Variants in SAMD4B observed in about 807,000 individuals in gnomAD.
SAMD4B encodes sterile alpha motif domain containing 4B, also known as protein Smaug homolog 2.
A neutral mutation model predicts 74.5 loss-of-function variants in SAMD4B; 5 were observed. The observed-to-expected ratio is 0.07, with a 90% CI of 0.04 to 0.14. The LOEUF (loss-of-function observed/expected upper bound fraction) is 0.14. Ranked by LOEUF, SAMD4B falls within the 10% of genes least tolerant of loss-of-function variation. SAMD4B has a pLI of 1.00. For synonymous variants in SAMD4B, 373 were observed against 374.9 expected, an observed-to-expected ratio of 1.00 and a Z score of 0.06; for missense variants, 608 against 921.8, an observed-to-expected ratio of 0.66 and a Z score of 4.41.
intron 9 of SAMD4B, among the ~76,000 whole-genome samples, chr19:39,379,200 G>A (rs1336166398): frequency 6.6e-6 from 1 of 151,936 alleles, no homozygotes; most frequent in Non-Finnish European, 1.5e-5. Flanking sequence ...ATGGAGTATT[G>A]CTTTATTGCC....
At chr19:39,372,401 CTT>C (rs2077361177) in intron 4 of SAMD4B, among the ~76,000 whole-genome samples, 1 of 152,172 alleles carries the variant, frequency 6.6e-6, no homozygotes, top group Admixed American at 6.5e-5. Context: ...TCAGGCCTGT[CTT>C]TACCCTCAGA....
chr19:39,370,912 C>T (rs1009726463), intron 4 of SAMD4B, among the ~76,000 whole-genome samples: 8 of 152,326 alleles, frequency 5.3e-5, no homozygotes, highest in South Asian at 4.1e-4. Context: ...CAAAGTCACA[C>T]GTAGAACAAG....
intron 7 of SAMD4B, 42 bp from the exon 8 acceptor site, chr19:39,377,443 G>A (rs1160476604): frequency 3.5e-6 from 5 of 1,448,556 alleles, no homozygotes; most frequent in Non-Finnish European, 4.7e-6. Flanking sequence ...GTCCCTCATT[G>A]TAGGGTCTGC....
intron 4 of SAMD4B, among the ~76,000 whole-genome samples, chr19:39,372,529 G>A (rs577255872): frequency 6.6e-6 from 1 of 152,268 alleles, no homozygotes; most frequent in South Asian, 2.1e-4. Context: ...GGGGAGCAAG[G>A]ATTGGCCTTT....
intron 12 of SAMD4B, among the ~76,000 whole-genome samples, chr19:39,382,622 G>A (rs1046286307): frequency 2.0e-5 from 3 of 152,072 alleles, no homozygotes; most frequent in African/African-American, 7.2e-5. Context: ...GTGTAGTGAG[G>A]GAGGTCAGGT....
At chr19:39,389,412 C>T, downstream of SAMD4B, 1 of 1,611,540 alleles carries the variant, frequency 6.2e-7, no homozygotes, top group Non-Finnish European at 8.5e-7. This position sits in a 1 kb window ranked among gnomAD's most constrained non-coding sequence, Gnocchi z 5.3. Context: ...TATCTCAGGA[C>T]CCCACTGCCC....
At chr19:39,388,312 C>T (rs1268169922), downstream of SAMD4B, 5 of 1,613,330 alleles carry the variant, frequency 3.1e-6, no homozygotes, top group Non-Finnish European at 4.2e-6. Flanking sequence ...CAGATCCAGG[C>T]TAATCAGATA....
chr19:39,386,866 G>A (rs1034140914), downstream of SAMD4B: 14 of 1,053,010 alleles, frequency 1.3e-5, no homozygotes, highest in African/African-American at 1.2e-4. This position sits in a 1 kb window ranked among gnomAD's most constrained non-coding sequence, Gnocchi z 6.1. Flanking sequence ...CCACTTCCCC[G>A]CCCCCCAGTG....
At chr19:39,371,725 G>T (rs1053911206) in intron 4 of SAMD4B, among the ~76,000 whole-genome samples, 8 of 151,858 alleles carry the variant, frequency 5.3e-5, no homozygotes, top group Non-Finnish European at 1.2e-4. Flanking sequence ...GCTGAGGCAG[G>T]AAGGTCGCTT....
chr19:39,389,888 A>T, downstream of SAMD4B: 1 of 1,345,176 alleles, frequency 7.4e-7, no homozygotes, highest in Non-Finnish European at 1.1e-6. The surrounding 1 kb of genome is among the most constrained non-coding windows in gnomAD (Gnocchi z 5.3). Context: ...AGAGTCTGAA[A>T]GCTGGCTCCC....
chr19:39,361,718 TG>T (rs1212999941), intron 3 of SAMD4B, among the ~76,000 whole-genome samples: 1 of 151,806 alleles, frequency 6.6e-6, no homozygotes, highest in Non-Finnish European at 1.5e-5. Context: ...GGTCAGGAGA[TG>T]GAGACCATCC....
In SAMD4B at chr19:39,378,646, C is replaced by CGCA; in HGVS notation, c.1530+59_1530+60insAGC. 6.8e-7 allele frequency: 1 copy of CGCA among 1,481,366 alleles called. No individual in the cohort carries two copies. Among genetic ancestry groups the CGCA allele is most frequent in the African/African-American group, 1.4e-5 (1 of 72,158 alleles). The allele number at this position is 1,481,366 out of a possible 1,614,324, so 91.8% of individuals were successfully genotyped here. A position where few individuals can be genotyped will look rare whatever the true frequency, so the allele number is the denominator to read the frequency against. ...AAAGGCGGCCAGGCGTGGTGGTTCA[C>CGCA]GCCTGTAGTCCCAGCACTTCGGCCA... On this transcript the variant is annotated intron_variant, in intron 9 of 13. Coordinates refer to ENST00000610417, the MANE Select transcript of SAMD4B (RefSeq NM_001384574.2). The surrounding 1 kb of genome is among the most constrained non-coding windows in gnomAD (Gnocchi z 4.4).
intron 7 of SAMD4B, among the ~76,000 whole-genome samples, 199 bp downstream of exon 7, chr19:39,376,990 T>A (rs1427722551): frequency 6.6e-6 from 1 of 152,210 alleles, no homozygotes; most frequent in East Asian, 1.9e-4. Context: ...CCCCTCCCTG[T>A]CTTTCCTGGT....
chr19:39,369,370 C>T (rs533673053), intron 3 of SAMD4B: 18 of 425,602 alleles, frequency 4.2e-5, no homozygotes, highest in African/African-American at 1.4e-4. Context: ...TCAAAACTCC[C>T]GTGCTGATCA....
chr19:39,388,906 C>G (rs779178052), downstream of SAMD4B: 17 of 1,610,544 alleles, frequency 1.1e-5, no homozygotes, highest in Non-Finnish European at 1.4e-5. Context: ...GGAACAGGCA[C>G]AAATAGGCTG....
chr19:39,371,525 T>C (rs906847030), intron 4 of SAMD4B, among the ~76,000 whole-genome samples: 2 of 152,142 alleles, frequency 1.3e-5, no homozygotes, highest in African/African-American at 2.4e-5. Context: ...GCAAAAAATA[T>C]TGAGTGCTAG....
intron 2 of SAMD4B, among the ~76,000 whole-genome samples, chr19:39,356,223 G>C (rs1273340387): frequency 6.6e-6 from 1 of 152,152 alleles, no homozygotes; most frequent in Non-Finnish European, 1.5e-5. Flanking sequence ...AGTCCTATCA[G>C]TAGGTTAGGA....
intron 3 of SAMD4B, among the ~76,000 whole-genome samples, chr19:39,366,445 A>G (rs1290242211): frequency 1.3e-5 from 2 of 152,210 alleles, no homozygotes; most frequent in Non-Finnish European, 2.9e-5. Flanking sequence ...AGCCTGGGCA[A>G]TAGAGCGAGA....
intron 3 of SAMD4B, among the ~76,000 whole-genome samples, chr19:39,362,357 A>G (rs1156881104): frequency 1.3e-5 from 2 of 152,090 alleles, no homozygotes; most frequent in African/African-American, 2.4e-5. Flanking sequence ...TGTGTGACCT[A>G]CTAGAAGTGG....
Sources: allele counts gnomAD v4.1 joint callset (sites outside exome capture counted in the v4.1 genomes callset), GRCh38; gene constraint gnomAD v4.1.1; non-coding constraint Gnocchi (gnomAD v3.1); transcripts MANE v1.5; gene names NCBI Gene and HGNC (gene_info 2026-07-23, HGNC 2026-07-21).